KCNH5: variants seen among roughly 807,000 people sequenced by gnomAD.
The protein encoded by KCNH5 is potassium voltage-gated channel subfamily H member 5.
A neutral mutation model predicts 96.1 loss-of-function variants in KCNH5; 46 were observed. The observed-to-expected ratio is 0.48, with a 90% confidence interval of 0.38 to 0.61. The LOEUF is 0.61. KCNH5 is among the 20% of genes least tolerant of loss of function. The probability of loss-of-function intolerance (pLI) is 0.00; values close to 1 mark genes in which losing one functional copy is unlikely to be tolerated. For synonymous variants in KCNH5, 439 were observed against 449.8 expected, an observed-to-expected ratio of 0.98 and a Z score of 0.30; for missense variants, 907 against 1,225.8, an observed-to-expected ratio of 0.74 and a Z score of 3.88.
intron 1 of KCNH5, among the ~76,000 whole-genome samples, chr14:63,021,418 G>A (rs780448614): frequency 2.0e-5 from 3 of 152,000 alleles, no homozygotes; most frequent in South Asian, 2.1e-4. Flanking sequence ...ATTATGTTCC[G>A]AAAATCTGCT....
At chr14:62,913,838 T>A (rs976000340) in intron 7 of KCNH5, among the ~76,000 whole-genome samples, 3 of 152,192 alleles carry the variant, frequency 2.0e-5, no homozygotes, top group African/African-American at 7.2e-5. Context: ...GAAGCTTTTT[T>A]AAAAAATTAC....
chr14:62,999,209 C>G (rs1293415443), intron 4 of KCNH5, among the ~76,000 whole-genome samples: 1 of 152,148 alleles, frequency 6.6e-6, no homozygotes, highest in East Asian at 1.9e-4. Context: ...TGTTTCCTGA[C>G]TTTTTAATGA....
intron 9 of KCNH5, among the ~76,000 whole-genome samples, chr14:62,801,376 T>TAA (rs34625867): frequency 1.4e-5 from 2 of 138,434 alleles, no homozygotes; most frequent in Non-Finnish European, 1.6e-5. Context: ...TTTTACCTGG[T>TAA]AAAAAAAAAA....
At chr14:62,745,934 T>G (rs1885366368) in intron 10 of KCNH5, among the ~76,000 whole-genome samples, 1 of 152,174 alleles carries the variant, frequency 6.6e-6, no homozygotes, top group African/African-American at 2.4e-5. Flanking sequence ...TCTTGGACCC[T>G]TCAAGCCCTA....
chr14:62,909,742 C>A (rs1425998422), intron 7 of KCNH5, among the ~76,000 whole-genome samples: 1 of 152,038 alleles, frequency 6.6e-6, no homozygotes, highest in Non-Finnish European at 1.5e-5. Context: ...GTCTATTTGT[C>A]CAGAGTGAGC....
At position 62,799,720 on chromosome 14, in the gene KCNH5, T is replaced by C. The variant is rs1206878301; in HGVS notation, c.1822+2609A>G. The stretch of plus-strand genomic sequence containing the variant: ...ATATATATATATATATATATATATA[T>C]ATATATACACACACACACACACACA... On this transcript the variant is annotated intron_variant, in intron 9 of 10. Coordinates refer to ENST00000322893, the MANE Select transcript of KCNH5 (RefSeq NM_139318.5). 1.4e-3 allele frequency among the ~76,000 whole-genome samples: 160 copies of C among 114,844 alleles called. 1 individual carries two copies. Among genetic ancestry groups the C allele is most frequent in the African/African-American group, 4.8e-3 (150 of 31,546 alleles). 75.3% of individuals were successfully genotyped at this position (114,844 alleles called of 152,430 possible). A position where few individuals can be genotyped will look rare whatever the true frequency, so the allele number is the denominator to read the frequency against.
At chr14:62,862,307 G>C (rs535738291) in intron 7 of KCNH5, among the ~76,000 whole-genome samples, 35 of 152,178 alleles carry the variant, frequency 2.3e-4, no homozygotes, top group Middle Eastern at 3.4e-3. Context: ...TAAATAGTTT[G>C]GGGTCCTGAG....
At chr14:63,009,047 A>G (rs1876216155) in intron 2 of KCNH5, among the ~76,000 whole-genome samples, 1 of 152,172 alleles carries the variant, frequency 6.6e-6, no homozygotes, top group African/African-American at 2.4e-5. Context: ...AGAAAGAAAG[A>G]AAAACCATTT....
chr14:62,735,725 T>C lies in KCNH5; in HGVS notation c.2020-27270A>G, dbSNP rs540282310. Reference sequence around the variant, plus strand: ...CAACAAAGATACGTTGAAGTCCTGATACCCAGCATCTTCAATGTCACTTCA... The same window carrying C: ...CAACAAAGATACGTTGAAGTCCTGACACCCAGCATCTTCAATGTCACTTCA... On this transcript the variant is annotated intron_variant, in intron 10 of 10. Coordinates refer to ENST00000322893, the MANE Select transcript of KCNH5 (RefSeq NM_139318.5). 1.2e-3 allele frequency among the ~76,000 whole-genome samples: 187 copies of C among 152,334 alleles called. 2 individuals are homozygous for C. Among genetic ancestry groups the C allele is most frequent in the Non-Finnish European group, 2.3e-3 (156 of 68,034 alleles).
At chr14:62,732,684 T>A (rs1885075662) in intron 10 of KCNH5, among the ~76,000 whole-genome samples, 1 of 152,182 alleles carries the variant, frequency 6.6e-6, no homozygotes. Flanking sequence ...ATGGGCTTAC[T>A]TATTGCTTTG....
At chr14:62,935,492 G>T (rs1188957790) in intron 7 of KCNH5, among the ~76,000 whole-genome samples, 1 of 152,176 alleles carries the variant, frequency 6.6e-6, no homozygotes, top group African/African-American at 2.4e-5. Context: ...GAGGAAAAAG[G>T]TCTCATGGCA....
chr14:62,903,276 C>A (rs548550111), intron 7 of KCNH5, among the ~76,000 whole-genome samples: 1 of 152,168 alleles, frequency 6.6e-6, no homozygotes, highest in African/African-American at 2.4e-5. Context: ...ACACACACAC[C>A]CTTGTACTAC....
chr14:62,779,648 T>C, intron 10 of KCNH5, 80 bp downstream of exon 10: 1 of 1,170,496 alleles, frequency 8.5e-7, no homozygotes, highest in Non-Finnish European at 1.2e-6. Flanking sequence ...ACAAAATATC[T>C]TCTCTACTCT....
intron 8 of KCNH5, among the ~76,000 whole-genome samples, chr14:62,818,636 A>G (rs1566670897): frequency 6.6e-6 from 1 of 152,124 alleles, no homozygotes; most frequent in Non-Finnish European, 1.5e-5. Flanking sequence ...ACATCAACCA[A>G]CACTATAACC....
At chr14:62,875,530 T>C (rs1888353991) in intron 7 of KCNH5, among the ~76,000 whole-genome samples, 1 of 151,518 alleles carries the variant, frequency 6.6e-6, no homozygotes, top group South Asian at 2.1e-4. Context: ...CCCTCAGAAA[T>C]TAAAAAGTCA....
At chr14:62,976,202 C>T (rs1007991142) in intron 6 of KCNH5, among the ~76,000 whole-genome samples, 2 of 151,582 alleles carry the variant, frequency 1.3e-5, no homozygotes, top group African/African-American at 4.8e-5. Context: ...AGATCGAGAC[C>T]ATCCTGGCTA....
At chr14:62,898,449 G>GA (rs1291486016) in intron 7 of KCNH5, among the ~76,000 whole-genome samples, 26 of 152,002 alleles carry the variant, frequency 1.7e-4, no homozygotes, top group African/African-American at 5.1e-4. Context: ...TAGTAAACGA[G>GA]AAAAAAGTCA....
intron 10 of KCNH5, among the ~76,000 whole-genome samples, chr14:62,752,944 A>G (rs1184190228): frequency 2.0e-5 from 3 of 152,196 alleles, no homozygotes; most frequent in African/African-American, 7.2e-5. Context: ...AGTCTCAGAT[A>G]GTATCTTTAT....
At chr14:62,942,698 A>G (rs1301984966) in intron 7 of KCNH5, among the ~76,000 whole-genome samples, 3 of 152,224 alleles carry the variant, frequency 2.0e-5, no homozygotes, top group African/African-American at 7.2e-5. Context: ...ATTACAGATC[A>G]TACTAGTCAA....
Sources: gnomAD v4.1 joint callset for allele counts (sites outside exome capture counted in the v4.1 genomes callset) on GRCh38, gnomAD v4.1.1 for gene constraint, MANE v1.5 for transcripts, NCBI Gene and HGNC (gene_info 2026-07-23, HGNC 2026-07-21) for gene names.